The following MAPK10 variants were observed in gnomAD, a reference collection of about 807,000 sequenced individuals.
MAPK10 encodes JNK3 alpha protein kinase.
A neutral mutation model predicts 59.3 loss-of-function variants in MAPK10; 25 were observed. The ratio of observed to expected loss-of-function variants is 0.42; its 90% confidence interval spans 0.31 to 0.59. MAPK10 has a LOEUF of 0.59. Among genes scored for constraint, MAPK10 ranks in the 20% least tolerant of loss-of-function variants. The pLI is 0.15. For synonymous variants in MAPK10, 190 were observed against 200.5 expected, an observed-to-expected ratio of 0.95 and a Z score of 0.44; for missense variants, 351 against 568.9, an observed-to-expected ratio of 0.62 and a Z score of 3.90.
intron 2 of MAPK10, among the ~76,000 whole-genome samples, chr4:86,271,601 A>G (rs1424152706): frequency 1.3e-5 from 2 of 152,006 alleles, no homozygotes; most frequent in Non-Finnish European, 2.9e-5. Context: ...TAATAAAGAC[A>G]TACCCTAAAC....
intron 1 of MAPK10, among the ~76,000 whole-genome samples, chr4:86,447,374 G>A (rs898942945): frequency 1.3e-5 from 2 of 152,100 alleles, no homozygotes; most frequent in African/African-American, 2.4e-5. Flanking sequence ...AGAACTGTGC[G>A]TCAGTTAAAC....
At chr4:86,024,967 T>A (rs145982680) in intron 13 of MAPK10, 4 of 152,370 alleles carry the variant, frequency 2.6e-5, no homozygotes, top group African/African-American at 9.6e-5. Flanking sequence ...ACAAATTCAT[T>A]AAGAGAAGTC....
chr4:86,397,680 C>G (rs766351931), intron 1 of MAPK10, among the ~76,000 whole-genome samples: 1 of 151,934 alleles, frequency 6.6e-6, no homozygotes, highest in Non-Finnish European at 1.5e-5. Flanking sequence ...TACCCTTGTT[C>G]TTGCACCTAT....
At chr4:86,555,499 A>C in intron 1 of MAPK10, among the ~76,000 whole-genome samples, 1 of 152,170 alleles carries the variant, frequency 6.6e-6, no homozygotes. Context: ...TGCCTAGCAG[A>C]ATGTCTTGAA....
chr4:86,423,530 C>T (rs1746804338), intron 1 of MAPK10, among the ~76,000 whole-genome samples: 3 of 151,932 alleles, frequency 2.0e-5, no homozygotes, highest in Admixed American at 6.6e-5. Context: ...TCCTTAATGG[C>T]TATGGCAGTT....
chr4:86,539,948 A>G (rs921291940), intron 1 of MAPK10, among the ~76,000 whole-genome samples: 7 of 152,238 alleles, frequency 4.6e-5, no homozygotes, highest in Admixed American at 3.3e-4. Context: ...GCAGCCCTGG[A>G]TTAAAAAATT....
intron 1 of MAPK10, among the ~76,000 whole-genome samples, chr4:86,525,068 C>A (rs562669548): frequency 2.0e-5 from 3 of 152,048 alleles, no homozygotes; most frequent in Non-Finnish European, 4.4e-5. Context: ...GAGGCTGACA[C>A]GGGCAGATCG....
chr4:86,538,149 A>T (rs1758388973), intron 1 of MAPK10, among the ~76,000 whole-genome samples: 1 of 144,178 alleles, frequency 6.9e-6, no homozygotes, highest in South Asian at 2.2e-4. Context: ...CTTATAATAA[A>T]TCTTTTTTTT....
In MAPK10 at chr4:86,107,309, T is replaced by G. The variant is rs1267315066; in HGVS notation, c.280A>C (p.Lys94Gln). The stretch of plus-strand genomic sequence containing the variant: ...TGGTTCTGAAAGGGTCTGCTGAGCT[T>G]CTTAATGGCCACATTTCTGTCAAGG... ...AVLDRNVAIK[K>Q]LSRPFQNQTH... The change falls in exon 5 of 14, where the codon AAG becomes CAG. Residue 94 changes from lysine to glutamine, a missense_variant. By Grantham distance (53) the Lys-to-Gln change is moderately conservative (BLOSUM62 1). This residue lies in a region of MAPK10 where 51 missense variants were observed against 72.7 expected (regional missense o/e 0.70). Coordinates refer to ENST00000641462, the MANE Select transcript of MAPK10 (RefSeq NM_138982.4). 6 of 1,613,300 alleles carry G rather than the reference T, an allele frequency of 3.7e-6. No homozygotes were observed. The highest frequency in any genetic ancestry group is 5.1e-6 in the Non-Finnish European group (6 of 1,179,498).
rs118161700 is a variant in MAPK10 at position 86,085,795 on chromosome 4, G to A, written c.802+12729C>T. Among the ~76,000 whole-genome samples, 54 of 152,276 alleles carry A rather than the reference G, an allele frequency of 3.5e-4. 2 individuals carry two copies. In the East Asian group the frequency reaches 0.01, roughly 29 times the overall value. ...ATATCGAAGAGATATCTGCACTGCC[G>A]TGTTTGTTGCAGCACTGTTGACGAT... On this transcript the variant is annotated intron_variant, in intron 9 of 13. Coordinates refer to ENST00000641462, the MANE Select transcript of MAPK10 (RefSeq NM_138982.4).
At chr4:86,501,361 G>A (rs1755309920) in intron 1 of MAPK10, among the ~76,000 whole-genome samples, 1 of 151,818 alleles carries the variant, frequency 6.6e-6, no homozygotes, top group African/African-American at 2.4e-5. Context: ...TATTAATATT[G>A]TATATTTTTT....
At chr4:86,433,554 TC>T (rs1477489909) in intron 1 of MAPK10, among the ~76,000 whole-genome samples, 2 of 145,354 alleles carry the variant, frequency 1.4e-5, no homozygotes, top group Admixed American at 6.9e-5. Context: ...TGGGCCTTCT[TC>T]TTTTTTTTTT....
intron 2 of MAPK10, among the ~76,000 whole-genome samples, chr4:86,216,280 C>CAT (rs1461464337): frequency 4.4e-4 from 58 of 131,872 alleles, no homozygotes; most frequent in African/African-American, 1.7e-3. Flanking sequence ...ATAGCACACA[C>CAT]ACATATATAT....
intron 13 of MAPK10, among the ~76,000 whole-genome samples, chr4:86,026,283 T>C (rs1160973251): frequency 6.6e-6 from 1 of 152,214 alleles, no homozygotes; most frequent in African/African-American, 2.4e-5. Flanking sequence ...TTTCTAGTTC[T>C]AACGTACTAT....
At chr4:86,209,994 T>C (rs1462771698) in intron 2 of MAPK10, among the ~76,000 whole-genome samples, 1 of 152,158 alleles carries the variant, frequency 6.6e-6, no homozygotes, top group African/African-American at 2.4e-5. Context: ...GAACTCATTT[T>C]CAACAAAGCT....
intron 4 of MAPK10, among the ~76,000 whole-genome samples, chr4:86,112,653 G>A (rs139853955): frequency 0.032 from 4,900 of 152,036 alleles, 99 homozygotes; most frequent in Non-Finnish European, 0.044. Flanking sequence ...TAATTTTAGG[G>A]TAAGTGCCAG....
At chr4:86,429,979 C>T (rs1183669642) in intron 1 of MAPK10, among the ~76,000 whole-genome samples, 1 of 151,972 alleles carries the variant, frequency 6.6e-6, no homozygotes, top group Non-Finnish European at 1.5e-5. Context: ...TGTGATATGG[C>T]TCAGACCATT....
Position 86,013,559 on chromosome 4 carries a change from G to C in MAPK10, c.*3669C>G, listed in dbSNP as rs1742093989. The C allele has an allele frequency of 6.6e-6, 1 of 152,130 alleles. No individual in the cohort carries two copies. Among genetic ancestry groups the C allele is most frequent in the Non-Finnish European group, 1.5e-5 (1 of 68,010 alleles). 9.4% of individuals were successfully genotyped at this position (152,130 alleles called of 1,614,324 possible). On this transcript the variant is annotated 3_prime_UTR_variant, in exon 14 of 14. Coordinates refer to ENST00000641462, the MANE Select transcript of MAPK10 (RefSeq NM_138982.4). Reference sequence around the variant, plus strand: ...ATAGATTTTGTATAATTTAGGTTTTGCAATGAATATTTACAATTTTAAAAC... The same window carrying C: ...ATAGATTTTGTATAATTTAGGTTTTCCAATGAATATTTACAATTTTAAAAC...
At chr4:86,103,111 G>A (rs546730323) in intron 6 of MAPK10, 75 bp downstream of exon 6, 5 of 808,060 alleles carry the variant, frequency 6.2e-6, no homozygotes, top group South Asian at 2.9e-5. Flanking sequence ...GTGTGTGTGT[G>A]TGTGTGGTGT....
Sources: gnomAD v4.1 joint callset for allele counts (sites outside exome capture counted in the v4.1 genomes callset) on GRCh38, gnomAD v4.1.1 for gene constraint, gnomAD v4.1.1 regional missense constraint, MANE v1.5 for transcripts, NCBI Gene and HGNC (gene_info 2026-07-23, HGNC 2026-07-21) for gene names.